MAGI2: variants seen among roughly 807,000 people sequenced by gnomAD.
MAGI2 encodes membrane associated guanylate kinase, WW and PDZ domain containing 2, also known as membrane-associated guanylate kinase, WW and PDZ domain-containing protein 2.
Under a neutral mutation model 133.3 loss-of-function variants are expected in MAGI2, and 35 were observed. The observed-to-expected ratio is 0.26, with a 90% confidence interval of 0.20 to 0.35. The LOEUF (loss-of-function observed/expected upper bound fraction) is 0.35. Among genes scored for constraint, MAGI2 ranks in the 10% least tolerant of loss-of-function variants. MAGI2 has a pLI of 1.00. For synonymous variants in MAGI2, 729 were observed against 710.6 expected (o/e 1.03, Z -0.41); for missense variants, 1,636 against 1,863.4 (o/e 0.88, Z 2.25).
intron 1 of MAGI2, among the ~76,000 whole-genome samples, chr7:79,047,438 G>C (rs1812277794): frequency 6.6e-6 from 1 of 152,056 alleles, no homozygotes; most frequent in African/African-American, 2.4e-5. Context: ...ATATGGCACA[G>C]TTCTTTATTG....
intron 3 of MAGI2, among the ~76,000 whole-genome samples, chr7:78,592,359 A>G (rs1272022560): frequency 1.4e-5 from 2 of 138,216 alleles, no homozygotes; most frequent in African/African-American, 5.2e-5. Context: ...TTTTTCCTGT[A>G]AAGGACCAGA....
At chr7:78,049,543 C>A (rs1811795838) in intron 21 of MAGI2, among the ~76,000 whole-genome samples, 1 of 152,206 alleles carries the variant, frequency 6.6e-6, no homozygotes, top group Non-Finnish European at 1.5e-5. Flanking sequence ...CTCTTGTAAT[C>A]TGCTCTTGCC....
chr7:79,378,634 T>G (rs2129140346), intron 1 of MAGI2, among the ~76,000 whole-genome samples: 1 of 151,698 alleles, frequency 6.6e-6, no homozygotes, highest in East Asian at 1.9e-4. Flanking sequence ...CTCTAACCAT[T>G]AAATTCATAA....
At chr7:78,674,497 G>T (rs1450605546) in intron 2 of MAGI2, among the ~76,000 whole-genome samples, 1 of 151,830 alleles carries the variant, frequency 6.6e-6, no homozygotes, top group South Asian at 2.1e-4. Flanking sequence ...AATGGTAAAT[G>T]TATCTATTCT....
chr7:79,205,756 G>GGTGTGT (rs113762722), intron 1 of MAGI2, among the ~76,000 whole-genome samples: 6,979 of 148,052 alleles, frequency 0.047, 422 homozygotes, highest in African/African-American at 0.13. Flanking sequence ...AATGTAGAGG[G>GGTGTGT]GTGTGTGTGT....
intron 1 of MAGI2, among the ~76,000 whole-genome samples, chr7:79,156,142 C>T (rs902159832): frequency 6.6e-6 from 1 of 152,048 alleles, no homozygotes; most frequent in Non-Finnish European, 1.5e-5. Context: ...CAAAATATAA[C>T]TTCTTGTTAG....
At chr7:78,088,861 T>C (rs564756091) in intron 20 of MAGI2, among the ~76,000 whole-genome samples, 2 of 152,328 alleles carry the variant, frequency 1.3e-5, no homozygotes, top group South Asian at 4.1e-4. Context: ...TGTGCTTACC[T>C]TAAGGATCTT....
intron 2 of MAGI2, among the ~76,000 whole-genome samples, chr7:78,630,191 TCTTTA>T (rs1331706190): frequency 1.3e-5 from 2 of 150,048 alleles, no homozygotes; most frequent in East Asian, 2.0e-4. Context: ...GCCTCTTGAT[TCTTTA>T]CTTTAGTAAT....
intron 6 of MAGI2, among the ~76,000 whole-genome samples, chr7:78,456,666 A>G (rs1371227519): frequency 3.3e-5 from 5 of 152,304 alleles, no homozygotes. Context: ...AAGACATACA[A>G]AATACAGTGG....
At chr7:78,696,436 C>T (rs1187166104) in intron 2 of MAGI2, among the ~76,000 whole-genome samples, 4 of 152,104 alleles carry the variant, frequency 2.6e-5, no homozygotes, top group East Asian at 1.9e-4. Flanking sequence ...ACAAGGAGTA[C>T]ATTAATCCCA....
At chr7:78,699,687 T>C (rs1817871719) in intron 2 of MAGI2, among the ~76,000 whole-genome samples, 2 of 152,310 alleles carry the variant, frequency 1.3e-5, no homozygotes, top group South Asian at 4.1e-4. Context: ...TTGGCAATTG[T>C]GTAACAAGGT....
chr7:78,600,087 A>AATCCAATTTT (rs1160531723), intron 3 of MAGI2, among the ~76,000 whole-genome samples: 1 of 152,202 alleles, frequency 6.6e-6, no homozygotes, highest in Non-Finnish European at 1.5e-5. Context: ...AAACCAATAA[A>AATCCAATTTT]ATTGGATACC....
chr7:78,347,487 T>C (rs937080339), intron 7 of MAGI2, among the ~76,000 whole-genome samples: 2 of 152,230 alleles, frequency 1.3e-5, no homozygotes, highest in Admixed American at 6.5e-5. Context: ...TGAGTCTTAG[T>C]GTCTTAATCT....
intron 4 of MAGI2, among the ~76,000 whole-genome samples, chr7:78,512,136 T>TA (rs539565869): frequency 0.071 from 9,030 of 127,098 alleles, 616 homozygotes; most frequent in African/African-American, 0.19. Context: ...AAAAATAAAT[T>TA]AAAAAAAAAA....
At chr7:79,256,766 C>T (rs988258864) in intron 1 of MAGI2, among the ~76,000 whole-genome samples, 3 of 152,046 alleles carry the variant, frequency 2.0e-5, no homozygotes, top group Non-Finnish European at 4.4e-5. Context: ...GTTGGGATTA[C>T]AGGCATGAGC....
intron 3 of MAGI2, among the ~76,000 whole-genome samples, chr7:78,550,637 T>G (rs1229512748): frequency 2.0e-5 from 3 of 152,202 alleles, no homozygotes. Flanking sequence ...CTGGACAAGG[T>G]TGAGGACATT....
chr7:78,459,819 T>C (rs1935922316), intron 6 of MAGI2, among the ~76,000 whole-genome samples: 1 of 152,214 alleles, frequency 6.6e-6, no homozygotes, highest in South Asian at 2.1e-4. Flanking sequence ...TCTGAAAAGG[T>C]GAGTGTTTTA....
intron 1 of MAGI2, among the ~76,000 whole-genome samples, chr7:79,309,615 A>G (rs1413947933): frequency 1.3e-5 from 2 of 152,076 alleles, no homozygotes; most frequent in East Asian, 3.9e-4. Flanking sequence ...TAGTTTCACT[A>G]GACACGGTAT....
chr7:78,696,047 C>T (rs1462114855), intron 2 of MAGI2, among the ~76,000 whole-genome samples: 1 of 152,074 alleles, frequency 6.6e-6, no homozygotes, highest in Non-Finnish European at 1.5e-5. Flanking sequence ...GTGATTCTCC[C>T]ACTTCAGCCT....
Sources: gnomAD v4.1 joint callset for allele counts (sites outside exome capture counted in the v4.1 genomes callset) on GRCh38, gnomAD v4.1.1 for gene constraint, MANE v1.5 for transcripts, NCBI Gene and HGNC (gene_info 2026-07-23, HGNC 2026-07-21) for gene names.